Variants in DENND1A observed in about 807,000 individuals in gnomAD.
The protein encoded by DENND1A is DENN domain-containing protein 1A.
A neutral mutation model predicts 113.7 loss-of-function variants in DENND1A; 51 were observed. That is an observed-to-expected ratio of 0.45 (90% CI 0.36 to 0.57). The LOEUF is 0.57. Ranked by LOEUF, DENND1A falls within the 20% of genes least tolerant of loss-of-function variation. The pLI is 0.00. For synonymous variants in DENND1A, 565 were observed against 570.8 expected (o/e 0.99, Z 0.14); for missense variants, 1,258 against 1,395.9 (o/e 0.90, Z 1.57).
At chr9:123,397,731 C>G (rs1194409360) in intron 21 of DENND1A, among the ~76,000 whole-genome samples, 1 of 152,178 alleles carries the variant, frequency 6.6e-6, no homozygotes. Context: ...TAATGGGATT[C>G]AGAATGAATT....
chr9:123,909,418 A>G (rs191718657), intron 1 of DENND1A, among the ~76,000 whole-genome samples: 1 of 147,166 alleles, frequency 6.8e-6, no homozygotes, highest in Non-Finnish European at 1.5e-5. Context: ...AAAAATAAAT[A>G]AAAAAACTGG....
At chr9:123,793,128 A>G (rs773345476) in intron 2 of DENND1A, among the ~76,000 whole-genome samples, 22 of 152,118 alleles carry the variant, frequency 1.4e-4, no homozygotes, top group Non-Finnish European at 2.5e-4. Flanking sequence ...ATGCTTGTAC[A>G]CTCTTATGAA....
intron 3 of DENND1A, among the ~76,000 whole-genome samples, chr9:123,774,630 C>T (rs140810877): frequency 8.4e-4 from 128 of 152,082 alleles, no homozygotes; most frequent in Non-Finnish European, 1.5e-3. Flanking sequence ...ACATAAAAGC[C>T]GGGTCAAATT....
chr9:123,565,543 T>C (rs2136216352), intron 12 of DENND1A, among the ~76,000 whole-genome samples: 1 of 152,282 alleles, frequency 6.6e-6, no homozygotes, highest in Non-Finnish European at 1.5e-5. Context: ...CAGAGTCACA[T>C]TTTCCTCCCC....
chr9:123,852,792 G>T (rs1473154297), intron 2 of DENND1A, among the ~76,000 whole-genome samples: 1 of 152,124 alleles, frequency 6.6e-6, no homozygotes, highest in African/African-American at 2.4e-5. Flanking sequence ...CTATAAACCT[G>T]CATTTTAATA....
intron 5 of DENND1A, among the ~76,000 whole-genome samples, chr9:123,719,667 T>C (rs1407057033): frequency 6.6e-6 from 1 of 152,088 alleles, no homozygotes; most frequent in Non-Finnish European, 1.5e-5. Context: ...TATTTGCATA[T>C]ATAGAGCAAG....
intron 13 of DENND1A, among the ~76,000 whole-genome samples, chr9:123,513,561 G>A (rs116206244): frequency 6.6e-6 from 1 of 152,340 alleles, no homozygotes; most frequent in African/African-American, 2.4e-5. Flanking sequence ...GCCAGAGCGG[G>A]AAGAGCCGCT....
At chr9:123,453,282 G>A (rs2047872347) in intron 16 of DENND1A, among the ~76,000 whole-genome samples, 1 of 152,198 alleles carries the variant, frequency 6.6e-6, no homozygotes, top group South Asian at 2.1e-4. Context: ...GTGGAGACTT[G>A]GAAGATCAGG....
At chr9:123,425,632 G>GC (rs1349165453) in intron 19 of DENND1A, among the ~76,000 whole-genome samples, 1 of 151,612 alleles carries the variant, frequency 6.6e-6, no homozygotes, top group African/African-American at 2.4e-5. Flanking sequence ...AACTCTCATG[G>GC]GCAGCTCGTC....
intron 13 of DENND1A, among the ~76,000 whole-genome samples, chr9:123,527,181 T>G (rs2054914445): frequency 6.6e-6 from 1 of 152,172 alleles, no homozygotes. Flanking sequence ...TCTCCATCCC[T>G]ACAGTCACTT....
In DENND1A at chr9:123,382,304, G is replaced by A. The variant is rs201926869; in HGVS notation, c.2341C>T (p.Arg781Cys). Residue 781 changes from arginine to cysteine, a missense_variant, in exon 24 of 24, where the codon CGC becomes TGC. Physicochemically the swap from Arg to Cys is radical, Grantham distance 180. Around this residue, in one of 2 missense-constraint regions of DENND1A, gnomAD observed 1,159 missense variants for 1,231.7 expected, o/e 0.94. Transcript: ENST00000394215. ...LGIVPPPPIP[R>C]PAKLQAAGAA... ...CCGGCAGCCTGGAGCTTGGCCGGGC[G>A]GGGAATGGGCGGTGGAGGCACGATG... 42 of 1,610,816 alleles carry A rather than the reference G, an allele frequency of 2.6e-5. No homozygotes were observed. The highest frequency in any genetic ancestry group is 1.4e-4 in the South Asian group (13 of 90,876).
At chr9:123,858,744 T>C (rs78891401) in intron 2 of DENND1A, among the ~76,000 whole-genome samples, 97 of 152,176 alleles carry the variant, frequency 6.4e-4, no homozygotes, top group African/African-American at 2.3e-3. Flanking sequence ...CTGTAGGCAA[T>C]AGGAGAAACC....
chr9:123,859,209 G>T (rs1379660801), intron 2 of DENND1A, among the ~76,000 whole-genome samples: 3 of 151,992 alleles, frequency 2.0e-5, no homozygotes, highest in Non-Finnish European at 4.4e-5. Flanking sequence ...AACAAAATAG[G>T]CTTACACTTT....
intron 11 of DENND1A, among the ~76,000 whole-genome samples, chr9:123,594,179 C>T (rs2059586152): frequency 1.3e-5 from 2 of 152,132 alleles, no homozygotes; most frequent in Non-Finnish European, 2.9e-5. Context: ...ACTCCTATGG[C>T]TACGTATCAG....
intron 19 of DENND1A, among the ~76,000 whole-genome samples, chr9:123,423,280 C>T (rs2045454588): frequency 6.6e-6 from 1 of 152,212 alleles, no homozygotes; most frequent in Non-Finnish European, 1.5e-5. Context: ...ACTCACCGGC[C>T]CCTTTTGCAA....
chr9:123,754,137 G>A (rs111764127), intron 5 of DENND1A, among the ~76,000 whole-genome samples: 1,702 of 152,290 alleles, frequency 0.011, 18 homozygotes, highest in Non-Finnish European at 0.016. Context: ...AGGGTGATTG[G>A]ACCTCAAGGC....
chr9:123,463,140 G>T (rs1266792753), intron 13 of DENND1A, among the ~76,000 whole-genome samples: 1 of 152,216 alleles, frequency 6.6e-6, no homozygotes, highest in East Asian at 1.9e-4. Context: ...GCTGATAGCA[G>T]TGTTAATTCA....
chr9:123,467,946 C>T (rs1370053941), intron 13 of DENND1A, among the ~76,000 whole-genome samples: 1 of 152,232 alleles, frequency 6.6e-6, no homozygotes, highest in East Asian at 1.9e-4. Flanking sequence ...ACTCTCACTC[C>T]TGGCTGCCTT....
chr9:123,790,003 GTC>G (rs928551061), intron 3 of DENND1A, among the ~76,000 whole-genome samples: 3 of 149,708 alleles, frequency 2.0e-5, no homozygotes, highest in African/African-American at 7.5e-5. Flanking sequence ...GTGTGTGTGT[GTC>G]TGTGTGTCTG....
Sources: allele counts gnomAD v4.1 joint callset (sites outside exome capture counted in the v4.1 genomes callset), GRCh38; gene constraint gnomAD v4.1.1; regional missense constraint gnomAD v4.1.1; transcripts MANE v1.5; gene names NCBI Gene and HGNC (gene_info 2026-07-23, HGNC 2026-07-21).